ARID1A: variants seen among roughly 807,000 people sequenced by gnomAD.
The protein encoded by ARID1A is AT-rich interactive domain-containing protein 1A.
ARID1A carries 20 observed loss-of-function variants against 212.6 expected under a neutral mutation model. The ratio of observed to expected loss-of-function variants is 0.09; its 90% confidence interval spans 0.07 to 0.14. The LOEUF (loss-of-function observed/expected upper bound fraction) is 0.14. Among genes scored for constraint, ARID1A ranks in the 10% least tolerant of loss-of-function variants. The pLI is 1.00. For synonymous variants in ARID1A, 1,376 were observed against 1,222.1 expected (o/e 1.13, Z -2.63); for missense variants, 2,587 against 3,059.0 (o/e 0.85, Z 3.64).
At chr1:26,733,471 A>T (rs1304404588) in intron 4 of ARID1A, among the ~76,000 whole-genome samples, 2 of 152,210 alleles carry the variant, frequency 1.3e-5, no homozygotes, top group Non-Finnish European at 2.9e-5. Context: ...AGGTTACTAG[A>T]GAGTGCACAC....
chr1:26,701,762 A>G (rs1195480034), intron 1 of ARID1A, among the ~76,000 whole-genome samples: 1 of 152,170 alleles, frequency 6.6e-6, no homozygotes, highest in Non-Finnish European at 1.5e-5. Flanking sequence ...TTCTCCTGGG[A>G]TTCACAGGAA....
chr1:26,756,572 A>AC (rs1383435499), intron 4 of ARID1A, among the ~76,000 whole-genome samples: 9 of 151,682 alleles, frequency 5.9e-5, no homozygotes, highest in East Asian at 3.9e-4. Context: ...TTTAAAAAAA[A>AC]AAAAAACAAA....
rs753766136 is a variant in ARID1A at position 26,779,184 on chromosome 1, GGAAGAA to G, written c.5296_5301del (p.Glu1766_Glu1767del). The G allele has an allele frequency of 2.5e-6, 4 of 1,608,588 alleles. No individual in the cohort carries two copies. The African/African-American group carries it at 4.0e-5, about 16-fold the overall frequency. On this transcript the variant is annotated inframe_deletion, in exon 20 of 20. Transcript: ENST00000324856. ...CTAGTCCAGCTCCCATGGAGGGTGG[GGAAGAA>G]GAAGAAGAACTTCTAGGTCCTAAAC...
chr1:26,708,612 G>A (rs17262006), intron 1 of ARID1A, among the ~76,000 whole-genome samples: 8,970 of 151,770 alleles, frequency 0.059, 360 homozygotes, highest in Non-Finnish European at 0.087. Flanking sequence ...CTGAGTGAAA[G>A]TGACTTGAAT....
chr1:26,702,354 C>T (rs967969799), intron 1 of ARID1A, among the ~76,000 whole-genome samples: 1 of 152,178 alleles, frequency 6.6e-6, no homozygotes, highest in Non-Finnish European at 1.5e-5. Flanking sequence ...CATTCTTTCT[C>T]TTCCTGGCTT....
rs2081110497 is a variant in ARID1A, at chr1:26,774,004, T to C, written c.4101+106T>C. 24 of 1,431,460 alleles carry C rather than the reference T, an allele frequency of 1.7e-5. No homozygotes were observed. In the South Asian group the frequency reaches 3.1e-4, roughly 18 times the overall value. 88.7% of individuals were successfully genotyped at this position (1,431,460 alleles called of 1,614,324 possible). A position where few individuals can be genotyped will look rare whatever the true frequency, so the allele number is the denominator to read the frequency against. On this transcript the variant is annotated intron_variant, in intron 17 of 19. Transcript: ENST00000324856. The surrounding 1 kb of genome is among the most constrained non-coding windows in gnomAD (Gnocchi z 5.6). ...TCTAAGAAGCTCACTTTAGATATTT[T>C]GGCATTCTTCTCTCACCTGACTGGC... is the stretch of plus-strand genomic sequence containing the variant.
At chr1:26,775,322 T>C in intron 18 of ARID1A, 102 bp downstream of exon 18, 1 of 1,476,322 alleles carries the variant, frequency 6.8e-7, no homozygotes, top group East Asian at 2.3e-5. Context: ...TCTGGTCCAG[T>C]GTTGACTAAA....
In ARID1A at chr1:26,771,856, G is replaced by T. The variant is rs532996494; in HGVS notation, c.3406+530G>T. On this transcript the variant is annotated intron_variant, in intron 12 of 19. Transcript: ENST00000324856. The surrounding 1 kb of genome is among the most constrained non-coding windows in gnomAD (Gnocchi z 5.4). ...CCTAGAGAGGGAAGAAGGCCAGGGTGCCTGGAAGGTGGGTGTAAACACATG... is the reference window on the plus strand; with the variant it reads ...CCTAGAGAGGGAAGAAGGCCAGGGTTCCTGGAAGGTGGGTGTAAACACATG... The T allele has an allele frequency of 6.0e-6, 1 of 165,840 alleles. No individual in the cohort carries two copies. The highest frequency in any genetic ancestry group is 1.6e-4 in the South Asian group (1 of 6,222). The allele number at this position is 165,840 out of a possible 1,614,324, so 10.3% of individuals were successfully genotyped here.
At chr1:26,777,135 G>T (rs1218365458) in intron 19 of ARID1A, among the ~76,000 whole-genome samples, 1 of 152,080 alleles carries the variant, frequency 6.6e-6, no homozygotes, top group Non-Finnish European at 1.5e-5. Context: ...TGCCCTCATG[G>T]CTCACTGCAG....
chr1:26,716,534 C>T (rs1324328220), intron 1 of ARID1A, among the ~76,000 whole-genome samples: 1 of 152,098 alleles, frequency 6.6e-6, no homozygotes, highest in Non-Finnish European at 1.5e-5. Flanking sequence ...AGTTCTGAGT[C>T]CCTTTCCCTC....
chr1:26,696,761 C>T lies in ARID1A; in HGVS notation c.358C>T (p.Pro120Ser), dbSNP rs571264557. 9.2e-4 allele frequency: 1,238 copies of T among 1,352,836 alleles called. 16 individuals carry two copies. In the African/African-American group the frequency reaches 0.018, roughly 19 times the overall value. The allele number at this position is 1,352,836 out of a possible 1,614,324, so 83.8% of individuals were successfully genotyped here. A position where few individuals can be genotyped will look rare whatever the true frequency, so the allele number is the denominator to read the frequency against. Residue 120 changes from proline to serine, a missense_variant, in exon 1 of 20, where the codon CCG (proline) becomes TCG (serine). This residue lies in a region of ARID1A where 735 missense variants were observed against 590.6 expected (regional missense o/e 1.24). Coordinates refer to ENST00000324856, the MANE Select transcript of ARID1A (RefSeq NM_006015.6). ...RPALNNNLTE[P>S]PGGGGGGSSD... ...CGCCCTGAACAATAACCTCACGGAGCCGCCCGGCGGCGGCGGTGGCGGCAG... is the reference window on the plus strand; with the variant it reads ...CGCCCTGAACAATAACCTCACGGAGTCGCCCGGCGGCGGCGGTGGCGGCAG...
intron 1 of ARID1A, among the ~76,000 whole-genome samples, chr1:26,707,668 C>T (rs980208055): frequency 3.9e-5 from 6 of 152,082 alleles, no homozygotes; most frequent in African/African-American, 1.4e-4. Flanking sequence ...AAATGATGGC[C>T]ACCATGCATT....
chr1:26,727,934 A>C (rs1215818248), intron 1 of ARID1A: 1 of 152,166 alleles, frequency 6.6e-6, no homozygotes, highest in Non-Finnish European at 1.5e-5. Flanking sequence ...TGCCAGGTGT[A>C]TTGGGGAGGA....
At chr1:26,762,078 C>A (rs2124061979) in intron 6 of ARID1A, 74 bp from the exon 7 acceptor site, 1 of 1,443,104 alleles carries the variant, frequency 6.9e-7, no homozygotes, top group Non-Finnish European at 9.3e-7. Context: ...ATGGTAAAGT[C>A]CCAGGATAAG....
intron 7 of ARID1A, 39 bp from the exon 8 acceptor site, chr1:26,762,934 G>A (rs1311943697): frequency 6.6e-7 from 1 of 1,516,142 alleles, no homozygotes; most frequent in African/African-American, 1.4e-5. Context: ...TGAGTTGCTA[G>A]TGAGTGACTA....
At position 26,731,295 on chromosome 1, in the gene ARID1A, T is replaced by C. The variant is rs1422131278; in HGVS notation, c.1494T>C (p.Pro498=). The C allele has an allele frequency of 6.2e-7, 1 of 1,612,732 alleles. No individual in the cohort carries two copies. Among genetic ancestry groups the C allele is most frequent in the Non-Finnish European group, 8.5e-7 (1 of 1,179,644 alleles). ...CGTCCCAGACCCCTCATGCCCAACC[T>C]TCGTATCAGCAGCAGCCACAGTCTC... is the stretch of plus-strand genomic sequence containing the variant. The part of the protein sequence containing the change: ...QPPSQTPHAQ[P]SYQQQPQSQP... The change falls in exon 3 of 20, where the codon CCT becomes CCC. Residue 498 remains proline, a synonymous_variant. Coordinates refer to ENST00000324856, the MANE Select transcript of ARID1A (RefSeq NM_006015.6).
chr1:26,729,122 T>C (rs1055227998), intron 1 of ARID1A: 3 of 156,774 alleles, frequency 1.9e-5, no homozygotes, highest in Non-Finnish European at 4.3e-5. Flanking sequence ...AGAGTTCCCA[T>C]TCCCTCAACT....
Position 26,732,734 on chromosome 1 carries a change from G to C in ARID1A, c.1862G>C (p.Ser621Thr), listed in dbSNP as rs2080692350. 1 of 1,614,092 alleles carries C rather than the reference G, an allele frequency of 6.2e-7. No homozygotes were observed. Among genetic ancestry groups the C allele is most frequent in the Non-Finnish European group, 8.5e-7 (1 of 1,179,978 alleles). ...QASSAPSMTS[S>T]KGGQEDMNLS... ...TCCTCAGCCCCCTCAATGACCTCCAGTAAGGGAGGGCAAGAAGATATGAAC... is the reference window on the plus strand; with the variant it reads ...TCCTCAGCCCCCTCAATGACCTCCACTAAGGGAGGGCAAGAAGATATGAAC... The change falls in exon 4 of 20, where the codon AGT (serine) becomes ACT (threonine). Residue 621 changes from serine (S) to threonine (T), a missense_variant. Ser to Thr is a moderately conservative substitution (Grantham distance 58, BLOSUM62 1). Transcript: ENST00000324856.
intron 4 of ARID1A, among the ~76,000 whole-genome samples, chr1:26,756,991 T>C (rs111540178): frequency 0.034 from 5,206 of 152,272 alleles, 115 homozygotes; most frequent in Non-Finnish European, 0.048. Context: ...TGTGAGCCAC[T>C]GCGCCCGGCC....
Sources: allele counts gnomAD v4.1 joint callset (sites outside exome capture counted in the v4.1 genomes callset), GRCh38; gene constraint gnomAD v4.1.1; regional missense constraint gnomAD v4.1.1; non-coding constraint Gnocchi (gnomAD v3.1); transcripts MANE v1.5; gene names NCBI Gene and HGNC (gene_info 2026-07-23, HGNC 2026-07-21).